Variants in HMCN1 observed in about 807,000 individuals in gnomAD.
The protein encoded by HMCN1 is hemicentin-1.
A neutral mutation model predicts 625.9 loss-of-function variants in HMCN1; 321 were observed. The observed-to-expected ratio is 0.51, with a 90% CI of 0.47 to 0.56. The LOEUF is 0.56. Among genes scored for constraint, HMCN1 ranks in the 20% least tolerant of loss-of-function variants. The pLI, the probability that HMCN1 is intolerant of heterozygous loss-of-function variation, is 0.00. For synonymous variants in HMCN1, 2,425 were observed against 2,417.6 expected (o/e 1.00, Z -0.09); for missense variants, 6,588 against 6,887.3 (o/e 0.96, Z 1.54).
At chr1:185,749,564 T>C (rs1654653835) in intron 1 of HMCN1, among the ~76,000 whole-genome samples, 1 of 152,138 alleles carries the variant, frequency 6.6e-6, no homozygotes, top group South Asian at 2.1e-4. Context: ...TTTTCTTACT[T>C]ATTTGGGACA....
intron 73 of HMCN1, 82 bp downstream of exon 73, chr1:186,114,205 T>G: frequency 7.1e-7 from 1 of 1,400,790 alleles, no homozygotes; most frequent in South Asian, 1.2e-5. Context: ...ACTATTTTGG[T>G]CTCATTATGT....
At chr1:185,797,162 A>G (rs912848955) in intron 1 of HMCN1, among the ~76,000 whole-genome samples, 7 of 152,066 alleles carry the variant, frequency 4.6e-5, no homozygotes, top group Non-Finnish European at 7.4e-5. Flanking sequence ...ATATATGTTC[A>G]TGTCCTTTGC....
chr1:186,145,798 C>T lies in HMCN1; in HGVS notation c.14483C>T (p.Ala4828Val). 2.5e-6 allele frequency: 4 copies of T among 1,614,082 alleles called. No individual in the cohort carries two copies. The highest frequency in any genetic ancestry group is 3.4e-6 in the Non-Finnish European group (4 of 1,179,982). ...GSWHSWSQCSASCGGGEKTRK... is the reference protein window; with the variant it reads ...GSWHSWSQCSVSCGGGEKTRK... ...TGGCATAGTTGGAGCCAGTGCTCTG[C>T]CTCCTGTGGAGGAGGTGAAAAGACT... Residue 4828 changes from alanine to valine, a missense_variant, in exon 93 of 107, where the codon GCC becomes GTC. Coordinates refer to ENST00000271588, the MANE Select transcript of HMCN1 (RefSeq NM_031935.3).
At chr1:185,797,454 A>G (rs1184052830) in intron 1 of HMCN1, among the ~76,000 whole-genome samples, 2 of 152,164 alleles carry the variant, frequency 1.3e-5, no homozygotes, top group Non-Finnish European at 2.9e-5. Context: ...GGTGTGTGCT[A>G]CCATATCTGG....
intron 1 of HMCN1, among the ~76,000 whole-genome samples, chr1:185,836,630 G>A (rs1182274404): frequency 6.6e-6 from 1 of 152,002 alleles, no homozygotes; most frequent in Non-Finnish European, 1.5e-5. Flanking sequence ...TTATCATAAG[G>A]TACTTTTGTT....
chr1:185,932,968 G>A (rs942512791), intron 10 of HMCN1, among the ~76,000 whole-genome samples: 5 of 152,116 alleles, frequency 3.3e-5, no homozygotes, highest in African/African-American at 1.2e-4. Context: ...AATGCCTTTT[G>A]TGTATATGGC....
chr1:185,981,193 C>A (rs28535260), intron 17 of HMCN1, 120 bp downstream of exon 17: 8,387 of 700,924 alleles, frequency 0.012, 78 homozygotes, highest in Non-Finnish European at 0.018. Flanking sequence ...AATTACTAGA[C>A]CAGCCTTCCC....
At chr1:186,184,092 T>G (rs1046062152) in intron 105 of HMCN1, among the ~76,000 whole-genome samples, 2 of 152,194 alleles carry the variant, frequency 1.3e-5, no homozygotes, top group Admixed American at 1.3e-4. Context: ...GTCACTCACT[T>G]AGTTCAAAAC....
intron 19 of HMCN1, among the ~76,000 whole-genome samples, chr1:185,985,908 T>C (rs1275720195): frequency 1.3e-5 from 2 of 152,150 alleles, no homozygotes; most frequent in African/African-American, 4.8e-5. Context: ...GTCATATTGG[T>C]TTATATAGAT....
At position 186,087,521 on chromosome 1, in the gene HMCN1, A is replaced by G; in HGVS notation, c.9239A>G (p.Glu3080Gly). ...NVREGTSVSLECESNAVPPPV... is the reference protein window; with the variant it reads ...NVREGTSVSLGCESNAVPPPV... The stretch of plus-strand genomic sequence containing the variant: ...AGAGAGGGAACTTCTGTGTCTTTGG[A>G]GTGTGAGTCGAACGCTGTGCCACCT... Residue 3080 changes from glutamate to glycine, a missense_variant, in exon 60 of 107, where the codon GAG becomes GGG. Physicochemically the swap from Glu to Gly is moderately conservative, Grantham distance 98. This residue lies in a region of HMCN1 where 4,628 missense variants were observed against 4,853.1 expected (regional missense o/e 0.95). Coordinates refer to ENST00000271588, the MANE Select transcript of HMCN1 (RefSeq NM_031935.3). 1.2e-6 allele frequency: 2 copies of G among 1,613,334 alleles called. No individual in the cohort carries two copies.
At chr1:185,800,188 G>T (rs1658699828) in intron 1 of HMCN1, among the ~76,000 whole-genome samples, 1 of 152,222 alleles carries the variant, frequency 6.6e-6, no homozygotes, top group African/African-American at 2.4e-5. Context: ...CCTACCCTTT[G>T]CTGGTGTCCA....
intron 1 of HMCN1, among the ~76,000 whole-genome samples, chr1:185,764,774 A>T (rs571996540): frequency 1.3e-5 from 2 of 152,336 alleles, no homozygotes; most frequent in Admixed American, 1.3e-4. Flanking sequence ...TAAAGTCTAT[A>T]TGAAATAGTA....
At position 186,086,338 on chromosome 1, in the gene HMCN1, C is replaced by T. The variant is rs763892467; in HGVS notation, c.8977C>T (p.Pro2993Ser). ...GACCTGTGAGGTCTCTGGTTTTCCA[C>T]CTCCTGACCTCAGCTGGCTCAAGAA... The part of the protein sequence containing the change: ...SLTCEVSGFP[P>S]PDLSWLKNEQ... Residue 2993 changes from proline to serine, a missense_variant, in exon 58 of 107, where the codon CCT becomes TCT. Around this residue, in one of 3 missense-constraint regions of HMCN1, gnomAD observed 4,628 missense variants for 4,853.1 expected, o/e 0.95. Transcript: ENST00000271588. The T allele has an allele frequency of 3.1e-6, 5 of 1,613,312 alleles. No homozygotes were observed. Among genetic ancestry groups the T allele is most frequent in the Non-Finnish European group, 4.2e-6 (5 of 1,179,504 alleles).
chr1:186,181,286 C>G lies in HMCN1; in HGVS notation c.16295-882C>G, dbSNP rs141736629. ...GAGCAAATTTTAATTTTAGTTAAAG[C>G]AAAACACCACTGGGACAAGAAATCT... On this transcript the variant is annotated intron_variant, in intron 104 of 106. Transcript: ENST00000271588. Among the ~76,000 whole-genome samples, 527 of 152,206 alleles carry G rather than the reference C, an allele frequency of 3.5e-3. 7 individuals are homozygous for G. Among genetic ancestry groups the G allele is most frequent in the African/African-American group, 0.012 (508 of 41,530 alleles).
At position 186,116,995 on chromosome 1, in the gene HMCN1, C is replaced by T. The variant is rs764052044; in HGVS notation, c.11563C>T (p.Leu3855Phe). 4 of 1,612,830 alleles carry T rather than the reference C, an allele frequency of 2.5e-6. No homozygotes were observed. Among genetic ancestry groups the T allele is most frequent in the Non-Finnish European group, 3.4e-6 (4 of 1,179,078 alleles). Reference protein sequence around the residue: ...NVDQNQNSYRLLSSGSLVIIS... With the variant: ...NVDQNQNSYRFLSSGSLVIIS... Reference sequence around the variant, plus strand: ...CATGCTTTGAAATGTGTCTTCTAGGCTCCTTTCTTCAGGTTCACTAGTAAT... The same window carrying T: ...CATGCTTTGAAATGTGTCTTCTAGGTTCCTTTCTTCAGGTTCACTAGTAAT... The change falls in exon 76 of 107, where the codon CTC becomes TTC. Residue 3855 changes from leucine to phenylalanine, a missense_variant and splice_region_variant. Transcript: ENST00000271588.
chr1:185,975,955 A>C (rs55653538), intron 15 of HMCN1, among the ~76,000 whole-genome samples: 4,615 of 152,232 alleles, frequency 0.03, 243 homozygotes, highest in African/African-American at 0.11. Context: ...ACTGATTTCA[A>C]AAATTCATTG....
At chr1:185,779,949 T>TTTCA (rs1163612549) in intron 1 of HMCN1, among the ~76,000 whole-genome samples, 2 of 152,240 alleles carry the variant, frequency 1.3e-5, no homozygotes, top group East Asian at 3.8e-4. Flanking sequence ...ATATGGCCAT[T>TTTCA]TTCACAATAT....
At chr1:185,865,582 TACACAC>T (rs56891910) in intron 3 of HMCN1, among the ~76,000 whole-genome samples, 153 bp from the exon 4 acceptor site, 5,210 of 135,228 alleles carry the variant, frequency 0.039, 104 homozygotes, top group East Asian at 0.06. Flanking sequence ...TATATAAGCA[TACACAC>T]ACACACACAC....
At chr1:186,024,379 A>AG (rs1171495393) in intron 36 of HMCN1, among the ~76,000 whole-genome samples, 1 of 152,028 alleles carries the variant, frequency 6.6e-6, no homozygotes, top group East Asian at 1.9e-4. Context: ...TCCATCTAAG[A>AG]GTATGCTGGG....
Sources: gnomAD v4.1 joint callset for allele counts (sites outside exome capture counted in the v4.1 genomes callset) on GRCh38, gnomAD v4.1.1 for gene constraint, gnomAD v4.1.1 regional missense constraint, MANE v1.5 for transcripts, NCBI Gene and HGNC (gene_info 2026-07-23, HGNC 2026-07-21) for gene names.